Variants in CDH13 observed in about 807,000 individuals in gnomAD.
CDH13 encodes cadherin-13.
A neutral mutation model predicts 63.8 loss-of-function variants in CDH13; 24 were observed. The ratio of observed to expected loss-of-function variants is 0.38; its 90% CI spans 0.27 to 0.53. CDH13 has a LOEUF of 0.53. CDH13 is among the 20% of genes least tolerant of loss of function. The pLI, the probability that CDH13 is intolerant of heterozygous loss-of-function variation, is 0.85. For missense variants in CDH13, 1,049 were observed against 903.1 expected, an observed-to-expected ratio of 1.16 and a Z score of -2.07; for synonymous variants, 503 against 355.3, an observed-to-expected ratio of 1.42 and a Z score of -4.67.
intron 6 of CDH13, among the ~76,000 whole-genome samples, chr16:83,409,287 T>C (rs568770166): frequency 6.7e-6 from 1 of 149,718 alleles, no homozygotes; most frequent in East Asian, 1.9e-4. Context: ...TCTTGACTGA[T>C]TGAAGGCTGC....
chr16:83,462,245 G>A (rs2073200468), intron 6 of CDH13, among the ~76,000 whole-genome samples: 3 of 152,204 alleles, frequency 2.0e-5, no homozygotes, highest in African/African-American at 7.2e-5. Context: ...TTAGCCCCTG[G>A]GAAAGGGAAG....
At chr16:83,085,649 A>G (rs1167238858) in intron 3 of CDH13, among the ~76,000 whole-genome samples, 5 of 152,192 alleles carry the variant, frequency 3.3e-5, no homozygotes, top group Admixed American at 6.5e-5. Flanking sequence ...TGGCTGTTTT[A>G]TTTGTGCCTT....
intron 2 of CDH13, among the ~76,000 whole-genome samples, chr16:82,982,508 A>G (rs893641404): frequency 6.6e-6 from 1 of 152,210 alleles, no homozygotes; most frequent in African/African-American, 2.4e-5. Flanking sequence ...CCCTTGGCTT[A>G]GGGACTATTC....
intron 6 of CDH13, among the ~76,000 whole-genome samples, chr16:83,396,910 A>C (rs955410990): frequency 6.6e-6 from 1 of 152,146 alleles, no homozygotes; most frequent in African/African-American, 2.4e-5. Context: ...GGTAGCTTCT[A>C]TCATTGTCCC....
At chr16:82,945,075 C>G (rs759726208) in intron 2 of CDH13, among the ~76,000 whole-genome samples, 1 of 152,120 alleles carries the variant, frequency 6.6e-6, no homozygotes, top group Admixed American at 6.5e-5. Flanking sequence ...AGTCATTATA[C>G]TTTTTGTTAT....
At chr16:82,915,625 A>G (rs878856759) in intron 2 of CDH13, among the ~76,000 whole-genome samples, 2 of 151,876 alleles carry the variant, frequency 1.3e-5, no homozygotes, top group African/African-American at 4.8e-5. Flanking sequence ...CCCAAACTGG[A>G]TGGCATGTCC....
intron 2 of CDH13, among the ~76,000 whole-genome samples, chr16:82,980,071 G>A (rs549271827): frequency 3.9e-4 from 57 of 147,304 alleles, no homozygotes; most frequent in African/African-American, 1.3e-3. Flanking sequence ...ACCACCCCCA[G>A]GGGCTAGTGA....
At position 83,243,753 on chromosome 16, in the gene CDH13, G is replaced by A. The variant is rs550820418; in HGVS notation, c.636+26256G>A. Among the ~76,000 whole-genome samples, 54 of 152,246 alleles carry A rather than the reference G, an allele frequency of 3.5e-4. No individual in the cohort carries two copies. In the South Asian group the frequency reaches 8.9e-3, roughly 25 times the overall value. On this transcript the variant is annotated intron_variant, in intron 5 of 13. Transcript: ENST00000567109. Reference sequence around the variant, plus strand: ...CTACAAACATAAACCAGTCTTGTCCGGAGCAAACTGGAATATGAGGTCATT... The same window carrying A: ...CTACAAACATAAACCAGTCTTGTCCAGAGCAAACTGGAATATGAGGTCATT...
At chr16:83,060,948 C>G (rs1468610712) in intron 3 of CDH13, among the ~76,000 whole-genome samples, 2 of 152,180 alleles carry the variant, frequency 1.3e-5, no homozygotes, top group African/African-American at 2.4e-5. Flanking sequence ...GTCAACCAGG[C>G]TCTTCCCCTC....
intron 6 of CDH13, among the ~76,000 whole-genome samples, chr16:83,456,177 A>T (rs1381498502): frequency 6.6e-6 from 1 of 152,250 alleles, no homozygotes; most frequent in Non-Finnish European, 1.5e-5. Context: ...CTGTTGATAG[A>T]ACAGCAAACA....
At chr16:83,580,778 C>T (rs1033972740) in intron 7 of CDH13, among the ~76,000 whole-genome samples, 1 of 152,070 alleles carries the variant, frequency 6.6e-6, no homozygotes, top group African/African-American at 2.4e-5. Context: ...AGGCCTGCAC[C>T]ACCACACCCA....
Position 82,753,942 on chromosome 16 carries a change from C to G in CDH13, c.46-104420C>G, listed in dbSNP as rs149810103. ...ATTTCTTCTCTGAAGTAGTCATCCA[C>G]TAATTCATTGATTCACTGTGAATCA... On this transcript the variant is annotated intron_variant, in intron 1 of 13. Transcript: ENST00000567109. Among the ~76,000 whole-genome samples, 5 of 152,326 alleles carry G rather than the reference C, an allele frequency of 3.3e-5. No individual in the cohort carries two copies. The East Asian group carries it at 9.6e-4, about 29-fold the overall frequency.
At chr16:83,629,277 T>A (rs2150790263) in intron 8 of CDH13, among the ~76,000 whole-genome samples, 1 of 152,348 alleles carries the variant, frequency 6.6e-6, no homozygotes, top group African/African-American at 2.4e-5. Context: ...CTCATAAGAT[T>A]TTAAAAATAT....
intron 5 of CDH13, among the ~76,000 whole-genome samples, chr16:83,343,611 G>A (rs1019754749): frequency 1.2e-4 from 19 of 152,182 alleles, no homozygotes; most frequent in African/African-American, 4.6e-4. Flanking sequence ...TTTATAACAA[G>A]AATGTTTGTC....
At chr16:83,616,855 G>T (rs527927795) in intron 8 of CDH13, among the ~76,000 whole-genome samples, 1 of 152,110 alleles carries the variant, frequency 6.6e-6, no homozygotes, top group Non-Finnish European at 1.5e-5. Flanking sequence ...GCCTGCCTTC[G>T]TCTTAGGCCA....
chr16:83,752,219 C>T (rs1363287241), intron 11 of CDH13, among the ~76,000 whole-genome samples: 1 of 152,180 alleles, frequency 6.6e-6, no homozygotes, highest in Non-Finnish European at 1.5e-5. Flanking sequence ...GCATGGCTGG[C>T]ATTTCTTTGT....
At chr16:83,321,302 C>G (rs1202576706) in intron 5 of CDH13, among the ~76,000 whole-genome samples, 1 of 152,176 alleles carries the variant, frequency 6.6e-6, no homozygotes, top group Non-Finnish European at 1.5e-5. Flanking sequence ...GGACAGAAAG[C>G]TCGTGGCAAT....
At chr16:82,732,785 A>T (rs142032129) in intron 1 of CDH13, among the ~76,000 whole-genome samples, 6 of 152,294 alleles carry the variant, frequency 3.9e-5, no homozygotes, top group African/African-American at 1.4e-4. Flanking sequence ...AACACTGAGG[A>T]TCTGTTTAGT....
intron 1 of CDH13, among the ~76,000 whole-genome samples, chr16:82,833,328 G>T (rs1052953854): frequency 6.6e-6 from 1 of 152,138 alleles, no homozygotes; most frequent in Admixed American, 6.5e-5. Context: ...TGACATTTTC[G>T]TGGAGGTATC....
Sources: gnomAD v4.1 joint callset for allele counts (sites outside exome capture counted in the v4.1 genomes callset) on GRCh38, gnomAD v4.1.1 for gene constraint, MANE v1.5 for transcripts, NCBI Gene and HGNC (gene_info 2026-07-23, HGNC 2026-07-21) for gene names.